Variants in ECSCR observed in about 807,000 individuals in gnomAD.
ECSCR encodes endothelial cell surface expressed chemotaxis and apoptosis regulator.
Under a neutral mutation model 16.7 loss-of-function variants are expected in ECSCR, and 12 were observed. The ratio of observed to expected loss-of-function variants is 0.72; its 90% CI spans 0.46 to 1.17. The LOEUF (loss-of-function observed/expected upper bound fraction) is 1.17, where lower values mean the gene tolerates loss of function less well. Ranked by LOEUF, ECSCR falls within the 50% of genes most tolerant of loss-of-function variation. The pLI, the probability that ECSCR is intolerant of heterozygous loss-of-function variation, is 0.00. For synonymous variants in ECSCR, 44 were observed against 42.2 expected, an observed-to-expected ratio of 1.04 and a Z score of -0.17; for missense variants, 122 against 116.1, an observed-to-expected ratio of 1.05 and a Z score of -0.23.
At chr5:139,459,586 C>T (rs917770774) in intron 1 of ECSCR, among the ~76,000 whole-genome samples, 1 of 152,214 alleles carries the variant, frequency 6.6e-6, no homozygotes, top group Non-Finnish European at 1.5e-5. Context: ...GTTGTATTTG[C>T]TCATTTTCCA....
Position 139,448,652 on chromosome 5 carries a change from T to A in ECSCR, c.*248A>T, listed in dbSNP as rs953074384. 5 of 1,144,618 alleles carry A rather than the reference T, an allele frequency of 4.4e-6. No homozygotes were observed. The African/African-American group carries it at 7.8e-5, about 18-fold the overall frequency. 70.9% of individuals were successfully genotyped at this position (1,144,618 alleles called of 1,614,324 possible). On this transcript the variant is annotated 3_prime_UTR_variant, in exon 10 of 10. Transcript: ENST00000618155. ...TCTCTCTGTCACCTCCTCTTTCCTG[T>A]GGCTCTGAGGAGGTGGGAGAAGCAG...
In ECSCR at chr5:139,448,909, C is replaced by T. The variant is rs749211254; in HGVS notation, c.610-1G>A. On this transcript the variant is annotated splice_acceptor_variant, in intron 9 of 9. Coordinates refer to ENST00000618155, the MANE Select transcript of ECSCR (RefSeq NM_001077693.4). LOFTEE classifies it high-confidence loss of function. Reference sequence around the variant, plus strand: ...GGACCCAAAGTTGCTTTTAAAGAACCTGCAAAATAAATGCATAATGGGGAA... The same window carrying T: ...GGACCCAAAGTTGCTTTTAAAGAACTTGCAAAATAAATGCATAATGGGGAA... 37 of 1,537,078 alleles carry T rather than the reference C, an allele frequency of 2.4e-5. No individual in the cohort carries two copies. The Middle Eastern group carries it at 5.0e-4, about 21-fold the overall frequency.
chr5:139,449,065 CAG>C lies in ECSCR; in HGVS notation c.609+11_609+12del, dbSNP rs1740008989. The C allele has an allele frequency of 6.5e-7, 1 of 1,536,420 alleles. No homozygotes were observed. The highest frequency in any genetic ancestry group is 8.7e-7 in the Non-Finnish European group (1 of 1,146,336). ...GAATTTGGGGAAGGAAGGCAGGAAACAGAAAAATGTACCTTCTCTGCTGAGAG... is the reference window on the plus strand; with the variant it reads ...GAATTTGGGGAAGGAAGGCAGGAAACAAAAATGTACCTTCTCTGCTGAGAG... On this transcript the variant is annotated intron_variant, in intron 9 of 9. Transcript: ENST00000618155.
intron 6 of ECSCR, 49 bp downstream of exon 6, chr5:139,455,274 C>G (rs1751130820): frequency 2.5e-6 from 1 of 398,062 alleles, no homozygotes; most frequent in Non-Finnish European, 4.4e-6. Context: ...CAAGTTAATT[C>G]CAGGGGTAGG....
At chr5:139,460,823 T>G (rs1415666509) in intron 1 of ECSCR, among the ~76,000 whole-genome samples, 1 of 152,064 alleles carries the variant, frequency 6.6e-6, no homozygotes, top group Non-Finnish European at 1.5e-5. Flanking sequence ...CACACACCCC[T>G]CCCCATTTTT....
At position 139,454,825 on chromosome 5, in the gene ECSCR, C is replaced by T. The variant is rs1344254549; in HGVS notation, c.475G>A (p.Asp159Asn). ...FKCRKSKESE[D>N]PQKPGSSGLS... The stretch of plus-strand genomic sequence containing the variant: ...AGATCCCCGAGGGCAGGGCACGCAC[C>T]TTCAGACTCCTTGCTCTTCCGACAC... Residue 159 changes from aspartate to asparagine, a missense_variant and splice_region_variant, in exon 7 of 10, where the codon GAT (aspartate) becomes AAT (asparagine). Transcript: ENST00000618155. The T allele has an allele frequency of 2.5e-6, 1 of 398,406 alleles. No individual in the cohort carries two copies. The highest frequency in any genetic ancestry group is 4.4e-6 in the Non-Finnish European group (1 of 226,160). 24.7% of individuals were successfully genotyped at this position (398,406 alleles called of 1,614,324 possible).
intron 8 of ECSCR, among the ~76,000 whole-genome samples, chr5:139,449,540 T>C (rs1197669415): frequency 6.6e-6 from 1 of 152,078 alleles, no homozygotes; most frequent in Non-Finnish European, 1.5e-5. Flanking sequence ...GATTTTACCA[T>C]GTTGGCCAGG....
At position 139,448,803 on chromosome 5, in the gene ECSCR, A is replaced by G; in HGVS notation, c.*97T>C. ...CAGACATGAAACAATAAAATAATTT[A>G]CATGTGGTTCATTGCCTCTACTAAT... On this transcript the variant is annotated 3_prime_UTR_variant, in exon 10 of 10. Coordinates refer to ENST00000618155, the MANE Select transcript of ECSCR (RefSeq NM_001077693.4). 1 of 1,515,802 alleles carries G rather than the reference A, an allele frequency of 6.6e-7. No individual in the cohort carries two copies. The highest frequency in any genetic ancestry group is 2.5e-5 in the East Asian group (1 of 40,738). 93.9% of individuals were successfully genotyped at this position (1,515,802 alleles called of 1,614,324 possible).
chr5:139,449,499 G>A (rs1217954872), intron 8 of ECSCR, among the ~76,000 whole-genome samples: 7 of 151,880 alleles, frequency 4.6e-5, no homozygotes, highest in African/African-American at 1.5e-4. Flanking sequence ...CACCATGCCC[G>A]GCTAATTTTT....
intron 1 of ECSCR, among the ~76,000 whole-genome samples, chr5:139,460,094 T>G (rs1388758030): frequency 2.0e-5 from 3 of 152,028 alleles, no homozygotes; most frequent in Non-Finnish European, 4.4e-5. Context: ...CCTGAAAACA[T>G]GTATCAGTTA....
At chr5:139,459,261 A>T (rs1012972876) in intron 1 of ECSCR, among the ~76,000 whole-genome samples, 5 of 152,086 alleles carry the variant, frequency 3.3e-5, no homozygotes, top group African/African-American at 9.7e-5. Flanking sequence ...GGTGAGTGAG[A>T]TGGGGATGGG....
In ECSCR at chr5:139,457,414, C is replaced by T; in HGVS notation, c.217+131G>A. Reference sequence around the variant, plus strand: ...CAGCCCTTCTCACCCTGCATGTCATCCTCAGTGTGAGGGTCTATTTCCTTG... The same window carrying T: ...CAGCCCTTCTCACCCTGCATGTCATTCTCAGTGTGAGGGTCTATTTCCTTG... On this transcript the variant is annotated intron_variant, in intron 4 of 9. Coordinates refer to ENST00000618155, the MANE Select transcript of ECSCR (RefSeq NM_001077693.4). The T allele has an allele frequency of 6.9e-6, 5 of 725,386 alleles. No individual in the cohort carries two copies. The South Asian group carries it at 7.4e-5, about 11-fold the overall frequency. The allele number at this position is 725,386 out of a possible 1,614,324, so 44.9% of individuals were successfully genotyped here.
At chr5:139,450,478 TAA>T (rs377766547) in intron 8 of ECSCR, among the ~76,000 whole-genome samples, 69,759 of 126,508 alleles carry the variant, frequency 0.55, 21,297 homozygotes, top group Non-Finnish European at 0.71. Context: ...GCCTGTCCCT[TAA>T]AAAAAAAAAA....
intron 2 of ECSCR, 107 bp downstream of exon 2, chr5:139,458,032 G>C: frequency 7.6e-7 from 1 of 1,312,144 alleles, no homozygotes; most frequent in Admixed American, 2.1e-5. Flanking sequence ...CGCTCCAGCT[G>C]CGGCCCCAGC....
Position 139,462,681 on chromosome 5 carries a change from T to C in ECSCR, c.-11A>G, listed in dbSNP as rs1375861759. On this transcript the variant is annotated 5_prime_UTR_variant, in exon 1 of 10. It adds an upstream start codon to the 5' untranslated region. Coordinates refer to ENST00000618155, the MANE Select transcript of ECSCR (RefSeq NM_001077693.4). Reference sequence around the variant, plus strand: ...TCCTGCGGTGCCCATGTCAGCTGGGTATGTGGCGGGCAGGCAGCAGCTCAG... The same window carrying C: ...TCCTGCGGTGCCCATGTCAGCTGGGCATGTGGCGGGCAGGCAGCAGCTCAG... The C allele has an allele frequency of 6.3e-7, 1 of 1,580,604 alleles. No individual in the cohort carries two copies. The highest frequency in any genetic ancestry group is 8.6e-7 in the Non-Finnish European group (1 of 1,164,694).
At chr5:139,460,196 C>T (rs1450295557) in intron 1 of ECSCR, among the ~76,000 whole-genome samples, 3 of 151,314 alleles carry the variant, frequency 2.0e-5, no homozygotes, top group Admixed American at 6.6e-5. Context: ...AGTGCAGTGG[C>T]GCGATCTCAG....
chr5:139,453,857 G>A (rs2152088794), intron 8 of ECSCR, among the ~76,000 whole-genome samples: 1 of 149,244 alleles, frequency 6.7e-6, no homozygotes, highest in East Asian at 2.0e-4. Flanking sequence ...AGTGTGGGAG[G>A]TGCAGTGTGT....
At chr5:139,458,892 T>C (rs1208545629) in intron 1 of ECSCR, among the ~76,000 whole-genome samples, 1 of 151,874 alleles carries the variant, frequency 6.6e-6, no homozygotes, top group Non-Finnish European at 1.5e-5. Context: ...GTTTTGGCTT[T>C]CTAAGCCTAC....
chr5:139,456,640 G>A (rs1239699614), intron 4 of ECSCR, 122 bp from the exon 5 acceptor site: 1 of 394,506 alleles, frequency 2.5e-6, no homozygotes, highest in African/African-American at 2.1e-5. Flanking sequence ...AGCCTTTTCT[G>A]CCTTCCTTTT....
Sources: allele counts gnomAD v4.1 joint callset (sites outside exome capture counted in the v4.1 genomes callset), GRCh38; gene constraint gnomAD v4.1.1; transcripts MANE v1.5; gene names NCBI Gene and HGNC (gene_info 2026-07-23, HGNC 2026-07-21).